The following RANBP17 variants were observed in gnomAD, a reference collection of about 807,000 sequenced individuals.
RANBP17 encodes RAN binding protein 17, also known as ran-binding protein 17.
RANBP17 carries 158 observed loss-of-function variants against 141.2 expected under a neutral mutation model. The observed-to-expected ratio is 1.12, with a 90% CI of 0.98 to 1.28. The LOEUF is 1.28. Ranked by LOEUF, RANBP17 falls within the 50% of genes most tolerant of loss-of-function variation. The pLI is 0.00. For missense variants in RANBP17, 1,438 were observed against 1,290.7 expected, an observed-to-expected ratio of 1.11 and a Z score of -1.75; for synonymous variants, 430 against 450.0, an observed-to-expected ratio of 0.96 and a Z score of 0.56.
intron 4 of RANBP17, among the ~76,000 whole-genome samples, chr5:170,895,094 C>G (rs769545806): frequency 2.0e-5 from 3 of 152,134 alleles, no homozygotes; most frequent in Admixed American, 1.3e-4. Context: ...TGTAGGAAAT[C>G]TGGAGCTCAG....
chr5:171,297,833 G>T (rs557273972), intron 27 of RANBP17, among the ~76,000 whole-genome samples: 1 of 140,606 alleles, frequency 7.1e-6, no homozygotes, highest in East Asian at 2.1e-4. Flanking sequence ...GCCTCAAACT[G>T]ACCCAATAAA....
At chr5:171,106,325 G>A (rs1754831542) in intron 14 of RANBP17, among the ~76,000 whole-genome samples, 2 of 152,102 alleles carry the variant, frequency 1.3e-5, no homozygotes, top group Admixed American at 1.3e-4. Flanking sequence ...TGAAGTGGGA[G>A]TTGGCTAGGT....
chr5:170,915,548 T>C (rs1771881216), intron 8 of RANBP17, among the ~76,000 whole-genome samples: 1 of 152,140 alleles, frequency 6.6e-6, no homozygotes, highest in South Asian at 2.1e-4. Context: ...ATTTGGGTTT[T>C]AGGTTCTCAT....
At chr5:171,252,663 T>TA (rs1765646711) in intron 24 of RANBP17, 4 of 1,404,902 alleles carry the variant, frequency 2.8e-6, no homozygotes, top group Non-Finnish European at 4.0e-6. Context: ...CTTTAAAACT[T>TA]AGTCTATTTA....
At chr5:171,236,652 C>T (rs551627928) in intron 22 of RANBP17, among the ~76,000 whole-genome samples, 40 of 152,232 alleles carry the variant, frequency 2.6e-4, no homozygotes, top group African/African-American at 8.7e-4. Flanking sequence ...AAAACTGAGC[C>T]CCAAGTACTG....
chr5:171,293,827 A>T, intron 25 of RANBP17, 56 bp from the exon 26 acceptor site: 1 of 1,302,776 alleles, frequency 7.7e-7, no homozygotes, highest in Non-Finnish European at 1.1e-6. Flanking sequence ...AAGGCCTGGG[A>T]TTAGGGGGAA....
intron 14 of RANBP17, among the ~76,000 whole-genome samples, chr5:171,124,095 C>G (rs759563653): frequency 6.6e-6 from 1 of 151,964 alleles, no homozygotes; most frequent in East Asian, 1.9e-4. Context: ...CAAGAAAACA[C>G]AGGTAAACAA....
chr5:171,080,231 TACACACACACAAAAC>T (rs1448073138), intron 14 of RANBP17, among the ~76,000 whole-genome samples: 27 of 129,918 alleles, frequency 2.1e-4, no homozygotes, highest in Non-Finnish European at 4.1e-4. Flanking sequence ...TTATCTTACA[TACACACACACAAAAC>T]ACACACACAC....
chr5:171,183,424 G>A lies in RANBP17; in HGVS notation c.2032G>A (p.Asp678Asn), dbSNP rs775517803. The A allele has an allele frequency of 6.2e-7, 1 of 1,609,868 alleles. No homozygotes were observed. The highest frequency in any genetic ancestry group is 1.7e-5 in the Admixed American group (1 of 60,014). ...AGCGCTCACTCGCCTTCTGATGGTA[G>A]ATCTGGGTAAGGTTAAGAATTTAAA... ...YTALTRLLMV[D>N]LGEDEDEFEN... Residue 678 changes from aspartate (D) to asparagine (N), a missense_variant, in exon 18 of 28, where the codon GAT (aspartate) becomes AAT (asparagine). Coordinates refer to ENST00000523189, the MANE Select transcript of RANBP17 (RefSeq NM_022897.5).
intron 14 of RANBP17, among the ~76,000 whole-genome samples, chr5:171,073,030 CAGAT>C (rs1273771579): frequency 1.3e-5 from 2 of 151,618 alleles, no homozygotes; most frequent in Non-Finnish European, 2.9e-5. Flanking sequence ...GAACAGAAAA[CAGAT>C]AGGTGGTTAC....
intron 25 of RANBP17, among the ~76,000 whole-genome samples, chr5:171,293,635 C>A (rs1182723085): frequency 1.3e-5 from 2 of 152,174 alleles, no homozygotes; most frequent in Admixed American, 6.5e-5. Flanking sequence ...TTGACTTATG[C>A]CCATCTGGAA....
At chr5:170,962,048 A>G (rs1365363787) in intron 13 of RANBP17, among the ~76,000 whole-genome samples, 1 of 152,230 alleles carries the variant, frequency 6.6e-6, no homozygotes, top group Non-Finnish European at 1.5e-5. Context: ...ACCTCAGACC[A>G]CAGAGTGCTT....
chr5:170,959,414 C>T (rs900073327), intron 13 of RANBP17, among the ~76,000 whole-genome samples: 3 of 152,190 alleles, frequency 2.0e-5, no homozygotes, highest in African/African-American at 7.2e-5. Context: ...CCTACCCTTT[C>T]CCATTTAACA....
chr5:171,298,651 T>C, intron 27 of RANBP17, 111 bp from the exon 28 acceptor site: 3 of 698,438 alleles, frequency 4.3e-6, no homozygotes, highest in Admixed American at 2.4e-5. Context: ...AGAGCCGTCC[T>C]CCAGGAGGGG....
chr5:171,235,764 G>T (rs1561788446), intron 22 of RANBP17, among the ~76,000 whole-genome samples: 1 of 151,908 alleles, frequency 6.6e-6, no homozygotes, highest in Non-Finnish European at 1.5e-5. Context: ...ACTACACCTG[G>T]CTAATTTTTT....
At chr5:170,902,567 G>A (rs763614833) in intron 5 of RANBP17, among the ~76,000 whole-genome samples, 10 of 152,166 alleles carry the variant, frequency 6.6e-5, no homozygotes, top group Admixed American at 3.9e-4. Context: ...CCTTGTTGGC[G>A]AGGAGTTGTG....
At position 171,043,000 on chromosome 5, in the gene RANBP17, G is replaced by A. The variant is rs572475333; in HGVS notation, c.1710+74623G>A. On this transcript the variant is annotated intron_variant, in intron 14 of 27. Coordinates refer to ENST00000523189, the MANE Select transcript of RANBP17 (RefSeq NM_022897.5). ...AGTGGATGAATATGGGATAACTTCAGAAAAAAGAGATATAGCTGATGGTGT... is the reference window on the plus strand; with the variant it reads ...AGTGGATGAATATGGGATAACTTCAAAAAAAAGAGATATAGCTGATGGTGT... Among the ~76,000 whole-genome samples the A allele has an allele frequency of 4.0e-3, 614 of 152,154 alleles. 3 individuals carry two copies. The highest frequency in any genetic ancestry group is 0.014 in the African/African-American group (579 of 41,532).
At chr5:171,165,895 A>G (rs1250920261) in intron 14 of RANBP17, among the ~76,000 whole-genome samples, 1 of 152,206 alleles carries the variant, frequency 6.6e-6, no homozygotes, top group African/African-American at 2.4e-5. Flanking sequence ...ACCTTTTAAA[A>G]TGACAACATT....
rs1426322884 is a variant in RANBP17 at position 170,955,677 on chromosome 5, T to C, written c.1574+1975T>C. On this transcript the variant is annotated intron_variant, in intron 13 of 27. Transcript: ENST00000523189. The stretch of plus-strand genomic sequence containing the variant: ...ATATATATATATATATATATATATA[T>C]ATATACACTGAATGAACTCTGTAGA... Among the ~76,000 whole-genome samples the C allele has an allele frequency of 1.9e-4, 14 of 73,072 alleles. 1 individual carries two copies. Among genetic ancestry groups the C allele is most frequent in the African/African-American group, 3.6e-4 (7 of 19,412 alleles). The allele number at this position is 73,072 out of a possible 152,430, so 47.9% of individuals were successfully genotyped here.
Sources: allele counts gnomAD v4.1 joint callset (sites outside exome capture counted in the v4.1 genomes callset), GRCh38; gene constraint gnomAD v4.1.1; transcripts MANE v1.5; gene names NCBI Gene and HGNC (gene_info 2026-07-23, HGNC 2026-07-21).